The following ADGRB3 variants were observed in gnomAD, a reference collection of about 807,000 sequenced individuals.
The protein encoded by ADGRB3 is adhesion G protein-coupled receptor B3.
A neutral mutation model predicts 193.4 loss-of-function variants in ADGRB3; 37 were observed. The ratio of observed to expected loss-of-function variants is 0.19; its 90% CI spans 0.15 to 0.25. The LOEUF (loss-of-function observed/expected upper bound fraction) is 0.25, where lower values mean the gene tolerates loss of function less well. Ranked by LOEUF, ADGRB3 falls within the 10% of genes least tolerant of loss-of-function variation. The probability of loss-of-function intolerance (pLI) is 1.00; values close to 1 mark genes in which losing one functional copy is unlikely to be tolerated. For synonymous variants in ADGRB3, 690 were observed against 644.2 expected (o/e 1.07, Z -1.08); for missense variants, 1,637 against 1,852.9 (o/e 0.88, Z 2.14).
At chr6:68,866,854 C>A (rs77996922) in intron 3 of ADGRB3, among the ~76,000 whole-genome samples, 2,151 of 152,210 alleles carry the variant, frequency 0.014, 41 homozygotes, top group African/African-American at 0.049. Flanking sequence ...GAGTATCGGG[C>A]AGGAGAAACT....
chr6:69,268,670 C>G (rs1767103137), intron 20 of ADGRB3, among the ~76,000 whole-genome samples: 1 of 152,172 alleles, frequency 6.6e-6, no homozygotes, highest in Non-Finnish European at 1.5e-5. Flanking sequence ...GTAGAAACTT[C>G]ACATTGATTT....
chr6:68,944,233 T>C (rs960437589), intron 6 of ADGRB3, among the ~76,000 whole-genome samples: 1 of 152,210 alleles, frequency 6.6e-6, no homozygotes, highest in African/African-American at 2.4e-5. Context: ...AATGTGTATA[T>C]TAATATTTTT....
intron 18 of ADGRB3, among the ~76,000 whole-genome samples, chr6:69,233,876 T>C (rs183607024): frequency 1.3e-5 from 2 of 152,134 alleles, no homozygotes; most frequent in Non-Finnish European, 2.9e-5. Context: ...TAAATATAAA[T>C]AAATAAATAT....
At chr6:68,652,378 AC>A (rs1229166919) in intron 3 of ADGRB3, among the ~76,000 whole-genome samples, 1 of 151,976 alleles carries the variant, frequency 6.6e-6, no homozygotes, top group Admixed American at 6.6e-5. Context: ...CTCATGACCG[AC>A]CTCTTGCTCC....
chr6:69,330,827 TTGAG>T (rs1253507355), intron 23 of ADGRB3, among the ~76,000 whole-genome samples: 3 of 152,192 alleles, frequency 2.0e-5, no homozygotes, highest in Non-Finnish European at 4.4e-5. Context: ...GTGAAAAAGT[TTGAG>T]TAAGTTTTAA....
chr6:69,296,610 A>C (rs950262612), intron 20 of ADGRB3, among the ~76,000 whole-genome samples: 3 of 152,160 alleles, frequency 2.0e-5, no homozygotes, highest in African/African-American at 7.2e-5. Context: ...GTGAATAGTC[A>C]TGTTCTCACT....
chr6:69,242,099 T>C (rs1238647832), intron 20 of ADGRB3, among the ~76,000 whole-genome samples: 1 of 151,898 alleles, frequency 6.6e-6, no homozygotes, highest in Non-Finnish European at 1.5e-5. Context: ...TTTGTATTTA[T>C]ATATGAGAAT....
intron 3 of ADGRB3, among the ~76,000 whole-genome samples, chr6:68,886,172 C>T (rs1215505017): frequency 6.6e-6 from 1 of 152,112 alleles, no homozygotes; most frequent in Non-Finnish European, 1.5e-5. Flanking sequence ...GTACCTGTAT[C>T]TCCACTGTTG....
intron 13 of ADGRB3, among the ~76,000 whole-genome samples, chr6:69,037,233 T>G (rs1449969728): frequency 6.6e-6 from 1 of 152,134 alleles, no homozygotes; most frequent in Non-Finnish European, 1.5e-5. Flanking sequence ...AAGAAAGTGC[T>G]TTGGTAGTGG....
intron 3 of ADGRB3, among the ~76,000 whole-genome samples, chr6:68,734,816 G>A (rs1353001003): frequency 1.3e-5 from 2 of 151,972 alleles, no homozygotes; most frequent in African/African-American, 2.4e-5. Flanking sequence ...AAGGAATGTG[G>A]TGTCATTCAG....
At chr6:68,933,112 A>G (rs1249645776) in intron 4 of ADGRB3, among the ~76,000 whole-genome samples, 1 of 150,900 alleles carries the variant, frequency 6.6e-6, no homozygotes, top group African/African-American at 2.4e-5. Context: ...TATAATATAT[A>G]TATTTAATAT....
chr6:68,956,912 A>G, intron 8 of ADGRB3, 103 bp downstream of exon 8: 1 of 1,295,670 alleles, frequency 7.7e-7, no homozygotes, highest in Non-Finnish European at 1.1e-6. Flanking sequence ...CCTCAACTAA[A>G]GAACTACTAA....
intron 17 of ADGRB3, among the ~76,000 whole-genome samples, chr6:69,110,602 A>G (rs1052397855): frequency 1.6e-4 from 24 of 152,216 alleles, no homozygotes; most frequent in African/African-American, 5.8e-4. Flanking sequence ...TTTCATCCTT[A>G]TCTTTTTCCT....
rs537809642 is a variant in ADGRB3 at position 68,664,565 on chromosome 6, G to C, written c.757+25133G>C. ...CTGACAACCTGATCTCAGACTTCTG[G>C]CTCCCAGAACTATGAGAAATACATT... is the stretch of plus-strand genomic sequence containing the variant. On this transcript the variant is annotated intron_variant, in intron 3 of 31. Coordinates refer to ENST00000370598, the MANE Select transcript of ADGRB3 (RefSeq NM_001704.3). 4.0e-5 allele frequency among the ~76,000 whole-genome samples: 6 copies of C among 151,890 alleles called. 1 individual carries two copies. Among genetic ancestry groups the C allele is most frequent in the African/African-American group, 1.4e-4 (6 of 41,494 alleles).
At position 69,272,248 on chromosome 6, in the gene ADGRB3, C is replaced by G. The variant is rs1056603528; in HGVS notation, c.2814+33022C>G. ...AACTCCTCTTTCTTTCATCCCTTGC[C>G]CCTCACAAGGTGCTAGGGGTTCAGA... On this transcript the variant is annotated intron_variant, in intron 20 of 31. Coordinates refer to ENST00000370598, the MANE Select transcript of ADGRB3 (RefSeq NM_001704.3). Among the ~76,000 whole-genome samples, 10 of 152,118 alleles carry G rather than the reference C, an allele frequency of 6.6e-5. No individual in the cohort carries two copies. In the East Asian group the frequency reaches 1.9e-3, roughly 29 times the overall value.
chr6:68,737,556 A>G (rs1418280678), intron 3 of ADGRB3, among the ~76,000 whole-genome samples: 2 of 152,124 alleles, frequency 1.3e-5, no homozygotes, highest in Non-Finnish European at 1.5e-5. Flanking sequence ...TACAATAAGA[A>G]TATTATTATC....
chr6:69,116,082 G>C (rs552329264), intron 17 of ADGRB3, among the ~76,000 whole-genome samples: 2 of 152,274 alleles, frequency 1.3e-5, no homozygotes, highest in African/African-American at 4.8e-5. Flanking sequence ...CAGCAGACTG[G>C]TACCTCGGAT....
At chr6:69,306,597 A>G (rs1025999694) in intron 20 of ADGRB3, among the ~76,000 whole-genome samples, 1 of 151,528 alleles carries the variant, frequency 6.6e-6, no homozygotes, top group Admixed American at 6.6e-5. Context: ...ACATTTAGCC[A>G]GCAGTTTACT....
intron 3 of ADGRB3, among the ~76,000 whole-genome samples, chr6:68,829,686 A>G (rs1314332926): frequency 4.6e-5 from 7 of 152,190 alleles, no homozygotes; most frequent in African/African-American, 1.7e-4. Context: ...AAATACATTT[A>G]GAAATTTCAG....
Sources: gnomAD v4.1 joint callset for allele counts (sites outside exome capture counted in the v4.1 genomes callset) on GRCh38, gnomAD v4.1.1 for gene constraint, MANE v1.5 for transcripts, NCBI Gene and HGNC (gene_info 2026-07-23, HGNC 2026-07-21) for gene names.